The following GNA11 variants were observed in gnomAD, a reference collection of about 807,000 sequenced individuals.
The protein encoded by GNA11 is guanine nucleotide-binding protein subunit alpha-11.
GNA11 carries 8 observed loss-of-function variants against 38.2 expected under a neutral mutation model. The observed-to-expected ratio is 0.21, with a 90% CI of 0.12 to 0.38. GNA11 has a LOEUF of 0.38. Ranked by LOEUF, GNA11 falls within the 10% of genes least tolerant of loss-of-function variation. The probability of loss-of-function intolerance (pLI) is 1.00; values close to 1 mark genes in which losing one functional copy is unlikely to be tolerated. For synonymous variants in GNA11, 211 were observed against 221.4 expected (o/e 0.95, Z 0.42); for missense variants, 268 against 516.3 (o/e 0.52, Z 4.66).
Position 3,120,774 on chromosome 19 carries a change from G to A in GNA11, c.890-215G>A, listed in dbSNP as rs1203339272. ...GAGCCCCAGGTTGGAGGCCTGGGCC[G>A]TGACAGTAGTGCCCTGGGGCTACAG... On this transcript the variant is annotated intron_variant, in intron 6 of 6. Coordinates refer to ENST00000078429, the MANE Select transcript of GNA11 (RefSeq NM_002067.5). The surrounding 1 kb of genome is among the most constrained non-coding windows in gnomAD (Gnocchi z 5.9). Among the ~76,000 whole-genome samples, 8 of 152,252 alleles carry A rather than the reference G, an allele frequency of 5.3e-5. No homozygotes were observed. The highest frequency in any genetic ancestry group is 1.9e-4 in the East Asian group (1 of 5,150).
chr19:3,096,345 G>A (rs1913365128), intron 1 of GNA11, among the ~76,000 whole-genome samples: 1 of 152,218 alleles, frequency 6.6e-6, no homozygotes, highest in Non-Finnish European at 1.5e-5. Flanking sequence ...TGCGGCCCGC[G>A]TGGTGGCACT....
chr19:3,098,873 C>A (rs940332787), intron 1 of GNA11, among the ~76,000 whole-genome samples: 1 of 152,180 alleles, frequency 6.6e-6, no homozygotes, highest in Non-Finnish European at 1.5e-5. Flanking sequence ...TTGGTCCGGG[C>A]CTGCTCTCAC....
rs1179378099 is a variant in GNA11 at position 3,122,643 on chromosome 19, T to G, written c.*1464T>G. 2 of 233,348 alleles carry G rather than the reference T, an allele frequency of 8.6e-6. No individual in the cohort carries two copies. Among genetic ancestry groups the G allele is most frequent in the East Asian group, 6.0e-5 (1 of 16,594 alleles). The allele number at this position is 233,348 out of a possible 1,614,324, so 14.5% of individuals were successfully genotyped here. On this transcript the variant is annotated 3_prime_UTR_variant, in exon 7 of 7. Transcript: ENST00000078429. This position sits in a 1 kb window ranked among gnomAD's most constrained non-coding sequence, Gnocchi z 7.7. ...CCTGTGGTTCCGGGCTTCGCACAGC[T>G]GTCCCAGGGATGGATCGCCTGTGCT...
chr19:3,118,609 C>T (rs1913983522), intron 4 of GNA11: 1 of 336,806 alleles, frequency 3.0e-6, no homozygotes. Context: ...TCCCTGGGCA[C>T]CCATCGCAGG....
intron 1 of GNA11, among the ~76,000 whole-genome samples, chr19:3,095,288 C>T (rs761210960): frequency 6.6e-6 from 1 of 152,148 alleles, no homozygotes; most frequent in African/African-American, 2.4e-5. Context: ...CAGGACTCTT[C>T]AGGATTTGCC....
intron 1 of GNA11, among the ~76,000 whole-genome samples, chr19:3,096,707 A>C (rs1464775629): frequency 3.3e-5 from 5 of 150,526 alleles, no homozygotes; most frequent in Admixed American, 6.6e-5. Flanking sequence ...CTGCAGTCCC[A>C]CCCCCTCCCA....
At chr19:3,098,224 C>G (rs925472286) in intron 1 of GNA11, among the ~76,000 whole-genome samples, 12 of 152,334 alleles carry the variant, frequency 7.9e-5, no homozygotes, top group Admixed American at 7.2e-4. Context: ...CTGGTGACAG[C>G]TGTGGATGGG....
rs1914145198 is a variant in GNA11, at chr19:3,123,623, A to G, written c.*2444A>G. 1 of 232,390 alleles carries G rather than the reference A, an allele frequency of 4.3e-6. No homozygotes were observed. Among genetic ancestry groups the G allele is most frequent in the African/African-American group, 2.2e-5 (1 of 45,236 alleles). The allele number at this position is 232,390 out of a possible 1,614,324, so 14.4% of individuals were successfully genotyped here. A position where few individuals can be genotyped will look rare whatever the true frequency, so the allele number is the denominator to read the frequency against. On this transcript the variant is annotated 3_prime_UTR_variant, in exon 7 of 7. Transcript: ENST00000078429. ...AGCAGCCCCCGGCCACTGCAAACCC[A>G]TGCCCTGGGTCCCCCGGCTCCCCCA... is the stretch of plus-strand genomic sequence containing the variant.
At chr19:3,097,281 G>A (rs1913395303) in intron 1 of GNA11, among the ~76,000 whole-genome samples, 1 of 152,166 alleles carries the variant, frequency 6.6e-6, no homozygotes, top group Admixed American at 6.5e-5. Context: ...CACTCCGCAG[G>A]AGGCCCAGCC....
chr19:3,123,210 A>C lies in GNA11; in HGVS notation c.*2031A>C, dbSNP rs571956975. 1,003 of 233,276 alleles carry C rather than the reference A, an allele frequency of 4.3e-3. No individual in the cohort carries two copies. Among genetic ancestry groups the C allele is most frequent in the African/African-American group, 0.02 (923 of 45,416 alleles). 14.5% of individuals were successfully genotyped at this position (233,276 alleles called of 1,614,324 possible). On this transcript the variant is annotated 3_prime_UTR_variant, in exon 7 of 7. Coordinates refer to ENST00000078429, the MANE Select transcript of GNA11 (RefSeq NM_002067.5). ...TGACCTGGCCGTGGCCTGAGGGTGG[A>C]GTCGCCCAGCACGCAGGCCGGGGCG... is the stretch of plus-strand genomic sequence containing the variant.
rs932702710 is a variant in GNA11 at position 3,108,128 on chromosome 19, C to T, written c.137-2021C>T. On this transcript the variant is annotated intron_variant, in intron 1 of 6. Transcript: ENST00000078429. This position sits in a 1 kb window ranked among gnomAD's most constrained non-coding sequence, Gnocchi z 4.5. ...CACTCGGGATGTGTTGGGTGTTTTGCGAGACCCCCCACAGGGAGCTCAGGT... is the reference window on the plus strand; with the variant it reads ...CACTCGGGATGTGTTGGGTGTTTTGTGAGACCCCCCACAGGGAGCTCAGGT... Among the ~76,000 whole-genome samples the T allele has an allele frequency of 6.6e-6, 1 of 152,152 alleles. No individual in the cohort carries two copies. The highest frequency in any genetic ancestry group is 1.5e-5 in the Non-Finnish European group (1 of 68,020).
chr19:3,101,906 C>T (rs1461928320), intron 1 of GNA11, among the ~76,000 whole-genome samples: 1 of 152,110 alleles, frequency 6.6e-6, no homozygotes, highest in Non-Finnish European at 1.5e-5. Context: ...CCAGCCTGGG[C>T]AACATGACGA....
Position 3,123,137 on chromosome 19 carries a change from T to TG in GNA11, c.*1964dup, listed in dbSNP as rs751968749. 49 of 233,140 alleles carry TG rather than the reference T, an allele frequency of 2.1e-4. No homozygotes were observed. Among genetic ancestry groups the TG allele is most frequent in the Non-Finnish European group, 3.6e-4 (42 of 118,038 alleles). 14.4% of individuals were successfully genotyped at this position (233,140 alleles called of 1,614,324 possible). ...AACCTTTTCCAGCAGCGGAGCCCTCTGGGGGGCCTGTGCTTGTGGCATCTC... is the reference window on the plus strand; with the variant it reads ...AACCTTTTCCAGCAGCGGAGCCCTCTGGGGGGGCCTGTGCTTGTGGCATCTC... On this transcript the variant is annotated 3_prime_UTR_variant, in exon 7 of 7. Coordinates refer to ENST00000078429, the MANE Select transcript of GNA11 (RefSeq NM_002067.5).
intron 2 of GNA11, 148 bp from the exon 3 acceptor site, chr19:3,113,182 T>C: frequency 5.7e-6 from 4 of 704,536 alleles, no homozygotes; most frequent in Non-Finnish European, 9.7e-6. Flanking sequence ...CTGACACGTG[T>C]TCACACGGAA....
intron 1 of GNA11, among the ~76,000 whole-genome samples, chr19:3,096,528 T>G (rs1406231200): frequency 1.3e-5 from 2 of 152,202 alleles, no homozygotes; most frequent in African/African-American, 2.4e-5. Context: ...CTTCTGTGCC[T>G]GCACTTTGGA....
rs1913750675 is a variant in GNA11, at chr19:3,110,589, A to T, written c.321+256A>T. On this transcript the variant is annotated intron_variant, in intron 2 of 6. Coordinates refer to ENST00000078429, the MANE Select transcript of GNA11 (RefSeq NM_002067.5). The surrounding 1 kb of genome is among the most constrained non-coding windows in gnomAD (Gnocchi z 5.4). The stretch of plus-strand genomic sequence containing the variant: ...CTCCCAAGTAGCTGTGGGCGCCCAC[A>T]TCCTGTGGGTGGGGAAGCTGAGGCC... Among the ~76,000 whole-genome samples the T allele has an allele frequency of 1.3e-5, 2 of 152,026 alleles. No individual in the cohort carries two copies. Among genetic ancestry groups the T allele is most frequent in the South Asian group, 4.1e-4 (2 of 4,826 alleles).
Position 3,119,912 on chromosome 19 carries a change from G to A in GNA11, c.889+553G>A, listed in dbSNP as rs308044. Among the ~76,000 whole-genome samples, 58,164 of 151,704 alleles carry A rather than the reference G, an allele frequency of 0.38. 12,138 individuals are homozygous for A. Among genetic ancestry groups the A allele is most frequent in the Non-Finnish European group, 0.48 (32,320 of 67,816 alleles). On this transcript the variant is annotated intron_variant, in intron 6 of 6. Coordinates refer to ENST00000078429, the MANE Select transcript of GNA11 (RefSeq NM_002067.5). The surrounding 1 kb of genome is among the most constrained non-coding windows in gnomAD (Gnocchi z 4.6). ...CTACGTGGCCCCTGCCCCACGGGGT[G>A]TGTCAGGGCAGCTGAGCACTGAGGG... is the stretch of plus-strand genomic sequence containing the variant.
intron 1 of GNA11, among the ~76,000 whole-genome samples, chr19:3,103,950 G>T (rs112502014): frequency 2.1e-4 from 32 of 152,290 alleles, no homozygotes; most frequent in African/African-American, 7.0e-4. Flanking sequence ...CTCCCAAAGT[G>T]CCGGGATTAC....
chr19:3,116,728 G>C (rs898098065), intron 4 of GNA11, among the ~76,000 whole-genome samples: 1 of 152,238 alleles, frequency 6.6e-6, no homozygotes, highest in Non-Finnish European at 1.5e-5. Flanking sequence ...CGGTGGCTCC[G>C]GTTGCGGGTG....
Sources: allele counts gnomAD v4.1 joint callset (sites outside exome capture counted in the v4.1 genomes callset), GRCh38; gene constraint gnomAD v4.1.1; non-coding constraint Gnocchi (gnomAD v3.1); transcripts MANE v1.5; gene names NCBI Gene and HGNC (gene_info 2026-07-23, HGNC 2026-07-21).